NOL6: variants seen among roughly 807,000 people sequenced by gnomAD.
NOL6 encodes the protein nucleolar protein 6.
NOL6 carries 33 observed loss-of-function variants against 131.7 expected under a neutral mutation model. The observed-to-expected ratio is 0.25, with a 90% CI of 0.19 to 0.33. The LOEUF (loss-of-function observed/expected upper bound fraction) is 0.33. Ranked by LOEUF, NOL6 falls within the 10% of genes least tolerant of loss-of-function variation. The pLI is 1.00. For synonymous variants in NOL6, 580 were observed against 605.7 expected, an observed-to-expected ratio of 0.96 and a Z score of 0.62; for missense variants, 1,297 against 1,494.5, an observed-to-expected ratio of 0.87 and a Z score of 2.18.
Position 33,467,745 on chromosome 9 carries a change from C to T in NOL6, c.1548G>A (p.Gln516=), listed in dbSNP as rs1023201205. The change falls in exon 12 of 26, where the codon CAG becomes CAA. Residue 516 remains glutamine (Q), a synonymous_variant. Transcript: ENST00000297990. The surrounding 1 kb of genome is among the most constrained non-coding windows in gnomAD (Gnocchi z 4.4). ...ALGPLTTLLE[Q]GLGARLNLLA... is the part of the protein sequence containing the mutation. ...GCAGGTTCAGCCGAGCCCCCAGGCC[C>T]TGCTCCAGGAGGGTGGTCAGGGGGC... is the stretch of plus-strand genomic sequence containing the variant. The T allele has an allele frequency of 1.2e-6, 2 of 1,606,498 alleles. No homozygotes were observed. The highest frequency in any genetic ancestry group is 1.7e-5 in the Admixed American group (1 of 59,078).
Position 33,464,957 on chromosome 9 carries a change from G to C in NOL6, c.2701C>G (p.Leu901Val). The stretch of plus-strand genomic sequence containing the variant: ...GTTGATACCAAGAAAAGGAATCGAA[G>C]GAAGCCAACCTGGGGGGAACTAAAG... ...TPPSSPQVGF[L>V]RFLFLVSTFD... The change falls in exon 21 of 26, where the codon CTT becomes GTT. Residue 901 changes from leucine to valine, a missense_variant. Coordinates refer to ENST00000297990, the MANE Select transcript of NOL6 (RefSeq NM_022917.5). 6.2e-7 allele frequency: 1 copy of C among 1,613,954 alleles called. No homozygotes were observed. Among genetic ancestry groups the C allele is most frequent in the South Asian group, 1.1e-5 (1 of 91,074 alleles).
chr9:33,468,649 T>C lies in NOL6; in HGVS notation c.1148-83A>G, dbSNP rs1827318367. The C allele has an allele frequency of 2.5e-6, 4 of 1,608,584 alleles. No homozygotes were observed. In the Admixed American group the frequency reaches 6.7e-5, roughly 27 times the overall value. On this transcript the variant is annotated intron_variant, in intron 8 of 25. Coordinates refer to ENST00000297990, the MANE Select transcript of NOL6 (RefSeq NM_022917.5). Reference sequence around the variant, plus strand: ...GACACCCTCCCTCAGCCGATTCAGTTTGCTCATCTGTCTGATGGCAAAACA... The same window carrying C: ...GACACCCTCCCTCAGCCGATTCAGTCTGCTCATCTGTCTGATGGCAAAACA...
At position 33,467,258 on chromosome 9, in the gene NOL6, G is replaced by C. The variant is rs1008515237; in HGVS notation, c.1730C>G (p.Ala577Gly). 4.3e-6 allele frequency: 7 copies of C among 1,614,120 alleles called. No homozygotes were observed. Among genetic ancestry groups the C allele is most frequent in the African/African-American group, 2.7e-5 (2 of 75,046 alleles). The change falls in exon 14 of 26, where the codon GCT becomes GGT. Residue 577 changes from alanine (A) to glycine (G), a missense_variant. Coordinates refer to ENST00000297990, the MANE Select transcript of NOL6 (RefSeq NM_022917.5). The surrounding 1 kb of genome is among the most constrained non-coding windows in gnomAD (Gnocchi z 4.4). ...GGATCCCCAGAACTGGCGGAATTTA[G>C]CAGCCTGAGGAGGCAAGGGTGGTAG... ...LGPEADQPEAAKFRQFWGSRS... is the reference protein window; with the variant it reads ...LGPEADQPEAGKFRQFWGSRS...
chr9:33,462,625 T>A lies in NOL6; in HGVS notation c.*39A>T. On this transcript the variant is annotated 3_prime_UTR_variant, in exon 26 of 26. Coordinates refer to ENST00000297990, the MANE Select transcript of NOL6 (RefSeq NM_022917.5). ...CTGACATCTTGCTCTAGAGGTCCAA[T>A]GTCCTGCTGTCCGTCTACAGCTTGC... 1.2e-6 allele frequency: 2 copies of A among 1,609,174 alleles called. No individual in the cohort carries two copies. The highest frequency in any genetic ancestry group is 1.3e-5 in the African/African-American group (1 of 74,926).
At chr9:33,471,769 A>G (rs1827416800) in intron 3 of NOL6, among the ~76,000 whole-genome samples, 2 of 152,244 alleles carry the variant, frequency 1.3e-5, no homozygotes, top group South Asian at 4.1e-4. Context: ...TAACCTCAGC[A>G]TTACAGCATA....
intron 1 of NOL6, among the ~76,000 whole-genome samples, chr9:33,473,378 C>T (rs765008101): frequency 2.6e-5 from 4 of 152,240 alleles, no homozygotes; most frequent in Non-Finnish European, 5.9e-5. Context: ...ATCCGCTCCA[C>T]GATGCCTCTC....
At chr9:33,465,604 C>G (rs1013371568) in intron 19 of NOL6, 130 bp downstream of exon 19, 6 of 1,140,052 alleles carry the variant, frequency 5.3e-6, no homozygotes, top group Non-Finnish European at 4.9e-6. Flanking sequence ...ATTCCAGAAC[C>G]TGCCTGACTC....
rs1395972744 is a variant in NOL6, at chr9:33,466,438, A to C, written c.2092-13T>G. 5.0e-6 allele frequency: 8 copies of C among 1,613,956 alleles called. No homozygotes were observed. Among genetic ancestry groups the C allele is most frequent in the Admixed American group, 1.7e-5 (1 of 60,020 alleles). Reference sequence around the variant, plus strand: ...TTGGTGGGAACACCTGTGGAAGAAGAGGGGCTGAGGAATGGGCCTAGGACT... The same window carrying C: ...TTGGTGGGAACACCTGTGGAAGAAGCGGGGCTGAGGAATGGGCCTAGGACT... On this transcript the variant is annotated splice_polypyrimidine_tract_variant and intron_variant, in intron 16 of 25. Transcript: ENST00000297990.
chr9:33,466,880 A>G (rs1307175327), intron 15 of NOL6, 32 bp downstream of exon 15: 2 of 1,607,640 alleles, frequency 1.2e-6, no homozygotes, highest in Non-Finnish European at 1.7e-6. Flanking sequence ...TGATTACTCT[A>G]CAATCACTAG....
chr9:33,461,864 GGA>G lies in NOL6; in HGVS notation c.*798_*799del. 1 of 348,312 alleles carries G rather than the reference GGA, an allele frequency of 2.9e-6. No individual in the cohort carries two copies. Among genetic ancestry groups the G allele is most frequent in the East Asian group, 4.8e-5 (1 of 20,674 alleles). The allele number at this position is 348,312 out of a possible 1,614,324, so 21.6% of individuals were successfully genotyped here. A position where few individuals can be genotyped will look rare whatever the true frequency, so the allele number is the denominator to read the frequency against. On this transcript the variant is annotated 3_prime_UTR_variant, in exon 26 of 26. Transcript: ENST00000297990. Reference sequence around the variant, plus strand: ...CTCCTTGGGCCCTGGGAGCTCCTGGGGAGTAAGACTTGAGTCTCCCCCATCTC... The same window carrying G: ...CTCCTTGGGCCCTGGGAGCTCCTGGGGTAAGACTTGAGTCTCCCCCATCTC...
In NOL6 at chr9:33,467,147, A is replaced by G. The variant is rs775669109; in HGVS notation, c.1841T>C (p.Ile614Thr). The G allele has an allele frequency of 6.8e-6, 11 of 1,614,060 alleles. No individual in the cohort carries two copies. The highest frequency in any genetic ancestry group is 1.3e-5 in the African/African-American group (1 of 74,936). The part of the protein sequence containing the change: ...EAASMSQKRL[I>T]PHQVVTHLLA... The stretch of plus-strand genomic sequence containing the variant: ...GAGGTGGGTGACCACCTGGTGGGGA[A>G]TAAGGCGCTTCTGGGACATAGAGGC... Residue 614 changes from isoleucine to threonine, a missense_variant, in exon 14 of 26, where the codon ATT becomes ACT. By Grantham distance (89) the Ile-to-Thr change is moderately conservative. Transcript: ENST00000297990. The surrounding 1 kb of genome is among the most constrained non-coding windows in gnomAD (Gnocchi z 4.4).
At position 33,465,757 on chromosome 9, in the gene NOL6, T is replaced by C. The variant is rs2119014815; in HGVS notation, c.2505A>G (p.Pro835=). The C allele has an allele frequency of 6.2e-7, 1 of 1,613,358 alleles. No individual in the cohort carries two copies. Among genetic ancestry groups the C allele is most frequent in the Admixed American group, 1.7e-5 (1 of 59,904 alleles). ...ACCCGTGCAGGGCACTGGTGAGCAG[T>C]GGCAACTGCCTTGTGTCTCTCTCAA... ...LRLERDTRQL[P]LLTSALHGLQ... The change falls in exon 19 of 26, where the codon CCA becomes CCG. Residue 835 remains proline, a synonymous_variant. Transcript: ENST00000297990.
intron 2 of NOL6, 39 bp from the exon 3 acceptor site, chr9:33,472,159 G>T: frequency 6.2e-7 from 1 of 1,612,822 alleles, no homozygotes; most frequent in Non-Finnish European, 8.5e-7. Flanking sequence ...CAGCCTCAGG[G>T]TCCCAGGTAC....
Position 33,471,800 on chromosome 9 carries a change from T to C in NOL6, c.378+204A>G, listed in dbSNP as rs185129851. On this transcript the variant is annotated intron_variant, in intron 3 of 25. Transcript: ENST00000297990. ...GCATAGGCTATTATTTACTGATATA[T>C]CCTAAGAACACAAATACTGCAAGGC... 1.9e-4 allele frequency among the ~76,000 whole-genome samples: 29 copies of C among 152,324 alleles called. No homozygotes were observed. In the East Asian group the frequency reaches 4.0e-3, roughly 21 times the overall value.
In NOL6 at chr9:33,466,167, C is replaced by A. The variant is rs1303107853; in HGVS notation, c.2268G>T (p.Arg756=). ...QWPQDAEAVQ[R]VRAAFQLRLA... The stretch of plus-strand genomic sequence containing the variant: ...GGCGCAGCTGGAAGGCAGCTCGGAC[C>A]CGCTGCACGGCCTCAGCGTCCTGTG... Residue 756 remains arginine (R), a synonymous_variant, in exon 18 of 26, where the codon CGG becomes CGT. Coordinates refer to ENST00000297990, the MANE Select transcript of NOL6 (RefSeq NM_022917.5). 2 of 1,613,132 alleles carry A rather than the reference C, an allele frequency of 1.2e-6. No homozygotes were observed. Among genetic ancestry groups the A allele is most frequent in the Admixed American group, 1.7e-5 (1 of 59,966 alleles).
At chr9:33,471,778 T>A (rs1359075508) in intron 3 of NOL6, among the ~76,000 whole-genome samples, 1 of 152,254 alleles carries the variant, frequency 6.6e-6, no homozygotes, top group African/African-American at 2.4e-5. Flanking sequence ...CATTACAGCA[T>A]AGGCTATTAT....
At chr9:33,462,841 T>C in intron 25 of NOL6, 28 bp from the exon 26 acceptor site, 2 of 1,612,720 alleles carry the variant, frequency 1.2e-6, no homozygotes, top group Non-Finnish European at 1.7e-6. Flanking sequence ...GAGATGTGGG[T>C]TGAGTGTCAC....
chr9:33,468,598 T>A, intron 8 of NOL6, 32 bp from the exon 9 acceptor site: 2 of 1,606,846 alleles, frequency 1.2e-6, no homozygotes, highest in South Asian at 2.2e-5. Flanking sequence ...TTAGAAGGTA[T>A]CCCCTTCTGG....
At chr9:33,473,120 G>C (rs1827459910) in intron 1 of NOL6, among the ~76,000 whole-genome samples, 1 of 152,046 alleles carries the variant, frequency 6.6e-6, no homozygotes, top group Non-Finnish European at 1.5e-5. Flanking sequence ...ATCCTGCCAG[G>C]TTCCACCTCC....
Sources: allele counts gnomAD v4.1 joint callset (sites outside exome capture counted in the v4.1 genomes callset), GRCh38; gene constraint gnomAD v4.1.1; non-coding constraint Gnocchi (gnomAD v3.1); transcripts MANE v1.5; gene names NCBI Gene and HGNC (gene_info 2026-07-23, HGNC 2026-07-21).